The following PADI2 variants were observed in gnomAD, a reference collection of about 807,000 sequenced individuals.
PADI2 encodes peptidyl arginine deiminase 2, also known as protein-arginine deiminase type-2.
PADI2 carries 70 observed loss-of-function variants against 81.1 expected under a neutral mutation model. The observed-to-expected ratio is 0.86, with a 90% CI of 0.71 to 1.05. PADI2 has a LOEUF of 1.05. PADI2 is among the 50% of genes least tolerant of loss of function. The pLI is 0.00. For missense variants in PADI2, 853 were observed against 889.9 expected, an observed-to-expected ratio of 0.96 and a Z score of 0.53; for synonymous variants, 338 against 358.0, an observed-to-expected ratio of 0.94 and a Z score of 0.63.
In PADI2 at chr1:17,075,745, G is replaced by A. The variant is rs2078297267; in HGVS notation, c.1389C>T (p.Tyr463=). ...CGTGGCCCACAGTCAGCCAGTCTGA[G>A]TAGAGCTCCACGGGCGCCTGCACCT... ...AQQVQAPVEL[Y]SDWLTVGHVD... is the part of the protein sequence containing the mutation. The change falls in exon 12 of 16, where the codon TAC becomes TAT. Residue 463 remains tyrosine (Y), a synonymous_variant. Transcript: ENST00000375486. 6.2e-7 allele frequency: 1 copy of A among 1,614,008 alleles called. No homozygotes were observed. Among genetic ancestry groups the A allele is most frequent in the East Asian group, 2.2e-5 (1 of 44,894 alleles).
chr1:17,105,614 G>A (rs781523648), intron 1 of PADI2, among the ~76,000 whole-genome samples: 1 of 152,052 alleles, frequency 6.6e-6, no homozygotes, highest in Non-Finnish European at 1.5e-5. Flanking sequence ...GGTTGGTTTT[G>A]AACTCCCGAC....
In PADI2 at chr1:17,104,931, T is replaced by A. The variant is rs1569584266; in HGVS notation, c.223A>T (p.Thr75Ser). 6.2e-7 allele frequency: 1 copy of A among 1,604,866 alleles called. No individual in the cohort carries two copies. Among genetic ancestry groups the A allele is most frequent in the Non-Finnish European group, 8.5e-7 (1 of 1,177,956 alleles). ...GKQRWLLSPSTTLRVTMSQAS... is the reference protein window; with the variant it reads ...GKQRWLLSPSSTLRVTMSQAS... Reference sequence around the variant, plus strand: ...TGGCTCATGGTGACCCGCAGGGTGGTGCTGGGCGAGAGAAGCCAGCGCTGC... The same window carrying A: ...TGGCTCATGGTGACCCGCAGGGTGGAGCTGGGCGAGAGAAGCCAGCGCTGC... Residue 75 changes from threonine (T) to serine (S), a missense_variant, in exon 2 of 16, where the codon ACC becomes TCC. Coordinates refer to ENST00000375486, the MANE Select transcript of PADI2 (RefSeq NM_007365.3).
chr1:17,110,937 A>G (rs1010044246), intron 1 of PADI2, among the ~76,000 whole-genome samples: 2 of 152,096 alleles, frequency 1.3e-5, no homozygotes, highest in East Asian at 3.9e-4. Flanking sequence ...GGAGGGCTGG[A>G]GGAGGCGGGC....
rs568433909 is a variant in PADI2, at chr1:17,104,871, G to T, written c.276+7C>A. ...GCCCGCAGAGGCTGGACTTCCCGCC[G>T]TGGTACCTTGTCACTGCTGGCCTCG... On this transcript the variant is annotated splice_region_variant and intron_variant, in intron 2 of 15. Transcript: ENST00000375486. 9 of 1,561,762 alleles carry T rather than the reference G, an allele frequency of 5.8e-6. No individual in the cohort carries two copies. The Admixed American group carries it at 1.5e-4, about 27-fold the overall frequency.
intron 10 of PADI2, among the ~76,000 whole-genome samples, chr1:17,080,107 A>G (rs1471944220): frequency 6.6e-6 from 1 of 152,150 alleles, no homozygotes; most frequent in East Asian, 1.9e-4. Flanking sequence ...CCCATCTATA[A>G]GAGAGTTACC....
chr1:17,104,318 AT>A (rs942651457), intron 2 of PADI2, among the ~76,000 whole-genome samples: 1 of 150,706 alleles, frequency 6.6e-6, no homozygotes, highest in Non-Finnish European at 1.5e-5. Context: ...AAAACAAACA[AT>A]TTTGTTAATA....
At position 17,102,949 on chromosome 1, in the gene PADI2, G is replaced by A. The variant is rs762750453; in HGVS notation, c.349+38C>T. ...GAAGGACAACAGTGCCAGGCCCTGGGTGATGAAGGCACTGAGACGGCAACC... is the reference window on the plus strand; with the variant it reads ...GAAGGACAACAGTGCCAGGCCCTGGATGATGAAGGCACTGAGACGGCAACC... On this transcript the variant is annotated intron_variant, in intron 3 of 15. Coordinates refer to ENST00000375486, the MANE Select transcript of PADI2 (RefSeq NM_007365.3). 9.4e-6 allele frequency: 14 copies of A among 1,496,044 alleles called. No homozygotes were observed. In the African/African-American group the frequency reaches 1.4e-4, roughly 15 times the overall value. 92.7% of individuals were successfully genotyped at this position (1,496,044 alleles called of 1,614,324 possible).
chr1:17,077,665 G>C (rs1007649017), intron 11 of PADI2, among the ~76,000 whole-genome samples: 3 of 152,172 alleles, frequency 2.0e-5, no homozygotes, highest in Admixed American at 2.0e-4. Context: ...GTGAATGAGT[G>C]GCCACTGAGT....
chr1:17,086,782 G>A (rs1319177509), intron 6 of PADI2, 83 bp from the exon 7 acceptor site: 3 of 1,188,120 alleles, frequency 2.5e-6, no homozygotes, highest in Non-Finnish European at 3.7e-6. Flanking sequence ...GGGACAAAAG[G>A]GCAAAGTAAC....
At chr1:17,083,861 G>T in intron 8 of PADI2, 24 bp from the exon 9 acceptor site, 1 of 1,434,726 alleles carries the variant, frequency 7.0e-7, no homozygotes, top group African/African-American at 1.4e-5. Flanking sequence ...GGAAGAAGGA[G>T]AGGCCAGGAG....
intron 15 of PADI2, among the ~76,000 whole-genome samples, chr1:17,069,803 A>G (rs1419854267): frequency 6.6e-6 from 1 of 152,246 alleles, no homozygotes; most frequent in African/African-American, 2.4e-5. Context: ...TATGTAACAG[A>G]AATCCCTCCT....
intron 3 of PADI2, among the ~76,000 whole-genome samples, chr1:17,101,589 A>G (rs531730580): frequency 3.3e-5 from 5 of 152,200 alleles, no homozygotes; most frequent in Middle Eastern, 3.4e-3. Context: ...CCTCCTTGGG[A>G]CAGAAAGAGG....
intron 15 of PADI2, among the ~76,000 whole-genome samples, chr1:17,069,787 C>T (rs1457757340): frequency 1.3e-5 from 2 of 152,214 alleles, no homozygotes; most frequent in Non-Finnish European, 2.9e-5. Flanking sequence ...ATAGAAGACT[C>T]CCCTCTATGT....
At chr1:17,114,056 TG>T (rs1277180767) in intron 1 of PADI2, among the ~76,000 whole-genome samples, 1 of 152,228 alleles carries the variant, frequency 6.6e-6, no homozygotes, top group Admixed American at 6.5e-5. Context: ...GCATCCCGTT[TG>T]GGGTTGAGGG....
Position 17,104,975 on chromosome 1 carries a change from T to A in PADI2, c.179A>T (p.Glu60Val), listed in dbSNP as rs370467698. 4 of 1,610,234 alleles carry A rather than the reference T, an allele frequency of 2.5e-6. No homozygotes were observed. The highest frequency in any genetic ancestry group is 1.7e-4 in the Middle Eastern group (1 of 5,926). The change falls in exon 2 of 16, where the codon GAG (glutamate) becomes GTG (valine). Residue 60 changes from glutamate (E) to valine (V), a missense_variant. By Grantham distance (121) the Glu-to-Val change is moderately radical. Coordinates refer to ENST00000375486, the MANE Select transcript of PADI2 (RefSeq NM_007365.3). ...GCGCTGCTTGCCATTGGTGGCCACC[T>A]CCTCAGCCTCCCCATCACGCACCAC... Reference protein sequence around the residue: ...VEVVRDGEAEEVATNGKQRWL... With the variant: ...VEVVRDGEAEVVATNGKQRWL...
At chr1:17,091,677 C>T (rs867298954) in intron 6 of PADI2, among the ~76,000 whole-genome samples, 1 of 152,186 alleles carries the variant, frequency 6.6e-6, no homozygotes, top group Non-Finnish European at 1.5e-5. Flanking sequence ...TCAGATGTCA[C>T]CTCCTCAGAG....
Position 17,067,779 on chromosome 1 carries a change from A to G in PADI2, c.*1265T>C, listed in dbSNP as rs939848477. The G allele has an allele frequency of 6.6e-6, 1 of 152,254 alleles. No homozygotes were observed. 9.4% of individuals were successfully genotyped at this position (152,254 alleles called of 1,614,324 possible). A position where few individuals can be genotyped will look rare whatever the true frequency, so the allele number is the denominator to read the frequency against. ...CCCAAATGAAAATCTTGTTCCTCCA[A>G]GAATATAAATTACATTATAACCTTT... is the stretch of plus-strand genomic sequence containing the variant. On this transcript the variant is annotated 3_prime_UTR_variant, in exon 16 of 16. Transcript: ENST00000375486.
intron 3 of PADI2, among the ~76,000 whole-genome samples, chr1:17,101,446 T>A (rs1931140138): frequency 1.3e-5 from 2 of 152,200 alleles, no homozygotes; most frequent in Admixed American, 6.5e-5. Flanking sequence ...GACTGTCATC[T>A]GAGACTGCCT....
At chr1:17,085,431 C>G (rs1023076423) in intron 7 of PADI2, among the ~76,000 whole-genome samples, 3 of 152,148 alleles carry the variant, frequency 2.0e-5, no homozygotes, top group Non-Finnish European at 4.4e-5. Context: ...TCCTGGGGGT[C>G]AGGCTGCCCT....
Sources: allele counts gnomAD v4.1 joint callset (sites outside exome capture counted in the v4.1 genomes callset), GRCh38; gene constraint gnomAD v4.1.1; transcripts MANE v1.5; gene names NCBI Gene and HGNC (gene_info 2026-07-23, HGNC 2026-07-21).